Variants in MICU2 observed in about 807,000 individuals in gnomAD.
MICU2 encodes the protein calcium uptake protein 2, mitochondrial.
Under a neutral mutation model 60.4 loss-of-function variants are expected in MICU2, and 64 were observed. The ratio of observed to expected loss-of-function variants is 1.06; its 90% CI spans 0.87 to 1.31. MICU2 has a LOEUF of 1.31. Among genes scored for constraint, MICU2 ranks in the 50% most tolerant of loss-of-function variants. MICU2 has a pLI of 0.00. For synonymous variants in MICU2, 201 were observed against 175.0 expected (o/e 1.15, Z -1.17); for missense variants, 569 against 531.0 (o/e 1.07, Z -0.70).
chr13:21,588,331 A>C (rs1888502863), intron 1 of MICU2, among the ~76,000 whole-genome samples: 1 of 152,230 alleles, frequency 6.6e-6, no homozygotes. Context: ...CCAGAGGCCC[A>C]AACTGTCCCC....
At chr13:21,591,290 A>C (rs956521264) in intron 1 of MICU2, among the ~76,000 whole-genome samples, 4 of 152,222 alleles carry the variant, frequency 2.6e-5, no homozygotes, top group African/African-American at 9.6e-5. Flanking sequence ...GAAGGGCATT[A>C]CATAATGGTC....
intron 6 of MICU2, 25 bp from the exon 7 acceptor site, chr13:21,514,443 T>G: frequency 6.3e-7 from 1 of 1,587,076 alleles, no homozygotes; most frequent in South Asian, 1.1e-5. Context: ...AACATGAGTT[T>G]ACATGTGTGC....
chr13:21,515,927 A>G (rs1044090), intron 6 of MICU2, among the ~76,000 whole-genome samples: 6 of 152,028 alleles, frequency 3.9e-5, no homozygotes, highest in African/African-American at 1.4e-4. Flanking sequence ...TCAATATCCA[A>G]ACATTTCTCC....
intron 1 of MICU2, among the ~76,000 whole-genome samples, chr13:21,571,322 T>C (rs1888102490): frequency 6.6e-6 from 1 of 152,152 alleles, no homozygotes; most frequent in Non-Finnish European, 1.5e-5. Flanking sequence ...AACGTCAAGA[T>C]ATCAAAGTTA....
At chr13:21,567,671 T>G (rs899586830) in intron 1 of MICU2, among the ~76,000 whole-genome samples, 25 of 152,200 alleles carry the variant, frequency 1.6e-4, no homozygotes, top group African/African-American at 5.8e-4. Flanking sequence ...GACTTAGACC[T>G]TGACTAAGTG....
At chr13:21,522,747 T>G in intron 4 of MICU2, 97 bp from the exon 5 acceptor site, 1 of 814,976 alleles carries the variant, frequency 1.2e-6, no homozygotes, top group Non-Finnish European at 1.8e-6. Flanking sequence ...AAAAACAATT[T>G]TACTTTAAAT....
At chr13:21,515,821 C>T (rs1231030978) in intron 6 of MICU2, among the ~76,000 whole-genome samples, 2 of 152,102 alleles carry the variant, frequency 1.3e-5, no homozygotes, top group African/African-American at 4.8e-5. Flanking sequence ...CCCCCCTTTC[C>T]CCTACTTAAT....
chr13:21,603,559 T>A (rs1420229373), intron 1 of MICU2: 2 of 259,910 alleles, frequency 7.7e-6, no homozygotes, highest in Non-Finnish European at 7.3e-6. Flanking sequence ...CGGATGTGAA[T>A]GCCACTTCAC....
chr13:21,528,952 T>C (rs1886922190), intron 4 of MICU2, among the ~76,000 whole-genome samples: 1 of 152,042 alleles, frequency 6.6e-6, no homozygotes, highest in Admixed American at 6.6e-5. Context: ...GGGAAGAGCG[T>C]GTGCAAAAGT....
At chr13:21,592,979 C>A (rs1888615233) in intron 1 of MICU2, among the ~76,000 whole-genome samples, 1 of 152,214 alleles carries the variant, frequency 6.6e-6, no homozygotes. Context: ...CCCTCTCTCA[C>A]CACTCGTATT....
chr13:21,526,036 G>C (rs552159463), intron 4 of MICU2, among the ~76,000 whole-genome samples: 15 of 151,624 alleles, frequency 9.9e-5, no homozygotes, highest in African/African-American at 3.4e-4. Flanking sequence ...CCAGGTTCAA[G>C]CGATCCTCCC....
At chr13:21,568,096 CCTT>C (rs1888026397) in intron 1 of MICU2, among the ~76,000 whole-genome samples, 1 of 152,210 alleles carries the variant, frequency 6.6e-6, no homozygotes, top group Admixed American at 6.5e-5. Context: ...GGACATATCA[CCTT>C]CTTTTCACAC....
rs184126299 is a variant in MICU2, at chr13:21,550,594, G to T, written c.359-10906C>A. Among the ~76,000 whole-genome samples the T allele has an allele frequency of 8.8e-4, 134 of 152,120 alleles. 1 individual carries two copies. Among genetic ancestry groups the T allele is most frequent in the South Asian group, 2.7e-3 (13 of 4,812 alleles). ...TTTTGCAGGGGTCTACCAATTATGGGAATAACGCTCATTATAAAACGTTTA... is the reference window on the plus strand; with the variant it reads ...TTTTGCAGGGGTCTACCAATTATGGTAATAACGCTCATTATAAAACGTTTA... On this transcript the variant is annotated intron_variant, in intron 2 of 11. Coordinates refer to ENST00000382374, the MANE Select transcript of MICU2 (RefSeq NM_152726.3).
intron 2 of MICU2, among the ~76,000 whole-genome samples, chr13:21,554,832 G>A (rs1299802790): frequency 1.3e-5 from 2 of 152,062 alleles, no homozygotes; most frequent in East Asian, 3.9e-4. Context: ...AAATGATAAA[G>A]GGGATATCAC....
chr13:21,566,180 CA>C (rs1156477666), intron 2 of MICU2, among the ~76,000 whole-genome samples: 2 of 152,304 alleles, frequency 1.3e-5, no homozygotes, highest in Non-Finnish European at 1.5e-5. Flanking sequence ...TGCTCTCACC[CA>C]TTTCAGCTGC....
At chr13:21,568,858 C>CT (rs1593349398) in intron 1 of MICU2, among the ~76,000 whole-genome samples, 1 of 147,372 alleles carries the variant, frequency 6.8e-6, no homozygotes, top group Admixed American at 6.7e-5. Flanking sequence ...TTTTTTTCTT[C>CT]TAGGAGGTTT....
Position 21,522,651 on chromosome 13 carries a change from C to T in MICU2, c.467-1G>A, listed in dbSNP as rs1217213976. On this transcript the variant is annotated splice_acceptor_variant, in intron 4 of 11. Coordinates refer to ENST00000382374, the MANE Select transcript of MICU2 (RefSeq NM_152726.3). LOFTEE classifies it high-confidence loss of function. ...AGATACTCGGTATATGAAATTAGCC[C>T]TGAAAGAGATAAAAACATACCAGAA... The T allele has an allele frequency of 1.4e-5, 22 of 1,597,054 alleles. No individual in the cohort carries two copies. Among genetic ancestry groups the T allele is most frequent in the Non-Finnish European group, 1.8e-5 (21 of 1,170,392 alleles).
intron 9 of MICU2, among the ~76,000 whole-genome samples, chr13:21,500,379 A>G (rs1886115771): frequency 6.6e-6 from 1 of 152,002 alleles, no homozygotes; most frequent in Non-Finnish European, 1.5e-5. Flanking sequence ...ATAGGGAAAA[A>G]AAAATCTCAG....
intron 4 of MICU2, among the ~76,000 whole-genome samples, chr13:21,526,516 A>G (rs61950052): frequency 8.2e-4 from 125 of 152,066 alleles, no homozygotes; most frequent in Non-Finnish European, 1.1e-3. Flanking sequence ...ATGGCATTGT[A>G]TACTTCCATT....
Sources: gnomAD v4.1 joint callset for allele counts (sites outside exome capture counted in the v4.1 genomes callset) on GRCh38, gnomAD v4.1.1 for gene constraint, MANE v1.5 for transcripts, NCBI Gene and HGNC (gene_info 2026-07-23, HGNC 2026-07-21) for gene names.